The following GABRB2 variants were observed in gnomAD, a reference collection of about 807,000 sequenced individuals.
GABRB2 encodes the protein gamma-aminobutyric acid type A receptor subunit beta2.
Under a neutral mutation model 54.7 loss-of-function variants are expected in GABRB2, and 16 were observed. The ratio of observed to expected loss-of-function variants is 0.29; its 90% CI spans 0.20 to 0.44. The LOEUF (loss-of-function observed/expected upper bound fraction) is 0.44, where lower values mean the gene tolerates loss of function less well. Among genes scored for constraint, GABRB2 ranks in the 20% least tolerant of loss-of-function variants. The pLI is 1.00. For missense variants in GABRB2, 355 were observed against 644.0 expected (o/e 0.55, Z 4.86); for synonymous variants, 244 against 233.8 (o/e 1.04, Z -0.40).
chr5:161,336,473 C>T (rs563584472), intron 6 of GABRB2, among the ~76,000 whole-genome samples, 159 bp downstream of exon 6: 4 of 152,092 alleles, frequency 2.6e-5, no homozygotes, highest in Admixed American at 6.6e-5. Context: ...GTATGGGTCC[C>T]GAGTAGAACA....
At chr5:161,358,231 A>G (rs1252122185) in intron 5 of GABRB2, among the ~76,000 whole-genome samples, 1 of 152,178 alleles carries the variant, frequency 6.6e-6, no homozygotes, top group Admixed American at 6.5e-5. Context: ...AGGCTAAGGA[A>G]CAGTTTCAAT....
intron 9 of GABRB2, 74 bp downstream of exon 9, chr5:161,326,294 T>G (rs1303249357): frequency 6.3e-7 from 1 of 1,589,328 alleles, no homozygotes; most frequent in East Asian, 2.2e-5. Context: ...TCCCACACAT[T>G]TTTTAAGGGA....
intron 3 of GABRB2, among the ~76,000 whole-genome samples, chr5:161,488,490 T>G (rs1277853448): frequency 6.6e-6 from 1 of 151,752 alleles, no homozygotes; most frequent in African/African-American, 2.4e-5. Flanking sequence ...AATATGTTTT[T>G]ACAGCTAGAA....
Position 161,419,463 on chromosome 5 carries a change from T to C in GABRB2, c.459-8406A>G, listed in dbSNP as rs114224713. Among the ~76,000 whole-genome samples, 346 of 152,272 alleles carry C rather than the reference T, an allele frequency of 2.3e-3. 3 individuals are homozygous for C. Among genetic ancestry groups the C allele is most frequent in the African/African-American group, 7.7e-3 (322 of 41,572 alleles). ...CCAAGCAATCCAACTACTGGGTATC[T>C]AACCAAAGGAAAATAAACCGCTACG... On this transcript the variant is annotated intron_variant, in intron 4 of 9. Transcript: ENST00000393959.
chr5:161,435,642 A>C (rs1470424057), intron 4 of GABRB2, among the ~76,000 whole-genome samples: 1 of 152,196 alleles, frequency 6.6e-6, no homozygotes, highest in Non-Finnish European at 1.5e-5. Context: ...GGGAAAGAGA[A>C]AAATACAATT....
intron 3 of GABRB2, among the ~76,000 whole-genome samples, chr5:161,487,056 T>G (rs959984659): frequency 2.0e-5 from 3 of 151,964 alleles, no homozygotes; most frequent in Non-Finnish European, 4.4e-5. Context: ...GTCTTCATGC[T>G]GCCCAGAAGA....
At chr5:161,377,620 C>T (rs1274287109) in intron 5 of GABRB2, among the ~76,000 whole-genome samples, 3 of 152,060 alleles carry the variant, frequency 2.0e-5, no homozygotes, top group Non-Finnish European at 4.4e-5. Context: ...TTTTAGATTG[C>T]AACTTCTTTG....
intron 5 of GABRB2, among the ~76,000 whole-genome samples, chr5:161,359,468 G>C (rs960231225): frequency 5.6e-5 from 7 of 126,074 alleles, no homozygotes; most frequent in East Asian, 4.6e-4. Flanking sequence ...CACACACACA[G>C]AGATTGCTCA....
At chr5:161,470,193 C>A (rs941261381) in intron 3 of GABRB2, among the ~76,000 whole-genome samples, 6 of 151,640 alleles carry the variant, frequency 4.0e-5, no homozygotes, top group African/African-American at 1.5e-4. Flanking sequence ...ATCCTCTGAG[C>A]CTTCTAATGC....
intron 5 of GABRB2, among the ~76,000 whole-genome samples, chr5:161,410,297 G>A (rs1756468855): frequency 6.6e-6 from 1 of 151,936 alleles, no homozygotes; most frequent in South Asian, 2.1e-4. Flanking sequence ...CCACCCAATA[G>A]GGCAGCTGAC....
intron 5 of GABRB2, among the ~76,000 whole-genome samples, chr5:161,386,343 A>G (rs980275527): frequency 6.6e-6 from 1 of 152,146 alleles, no homozygotes; most frequent in Non-Finnish European, 1.5e-5. Context: ...AGAAGCTAAA[A>G]AATGAAATTA....
At chr5:161,475,668 A>G (rs190672229) in intron 3 of GABRB2, among the ~76,000 whole-genome samples, 76 of 152,124 alleles carry the variant, frequency 5.0e-4, no homozygotes, top group Middle Eastern at 3.4e-3. Context: ...ATGAAAATTA[A>G]TCAATGTAAT....
At chr5:161,368,937 G>A (rs1755050186) in intron 5 of GABRB2, among the ~76,000 whole-genome samples, 1 of 152,146 alleles carries the variant, frequency 6.6e-6, no homozygotes, top group Admixed American at 6.6e-5. Flanking sequence ...AATGTTTGAT[G>A]GTATAATGTA....
At chr5:161,454,186 T>C (rs1360539291) in intron 4 of GABRB2, among the ~76,000 whole-genome samples, 1 of 152,144 alleles carries the variant, frequency 6.6e-6, no homozygotes, top group Non-Finnish European at 1.5e-5. Context: ...CATTATTAAA[T>C]GAAAATTATT....
At chr5:161,396,450 GTT>G (rs1216926896) in intron 5 of GABRB2, among the ~76,000 whole-genome samples, 2 of 152,204 alleles carry the variant, frequency 1.3e-5, no homozygotes, top group Non-Finnish European at 1.5e-5. Flanking sequence ...GAAGAGAGAG[GTT>G]GTTAAAACGA....
At chr5:161,394,697 A>G (rs1268434041) in intron 5 of GABRB2, among the ~76,000 whole-genome samples, 1 of 152,118 alleles carries the variant, frequency 6.6e-6, no homozygotes, top group Non-Finnish European at 1.5e-5. Context: ...TCTGTTAAAG[A>G]TATTGAATTT....
intron 3 of GABRB2, among the ~76,000 whole-genome samples, chr5:161,502,420 A>G (rs1223123768): frequency 6.6e-6 from 1 of 152,168 alleles, no homozygotes; most frequent in Non-Finnish European, 1.5e-5. Flanking sequence ...ATCTAATGTT[A>G]TCTTGGATGA....
intron 4 of GABRB2, among the ~76,000 whole-genome samples, chr5:161,453,691 C>T (rs975451633): frequency 6.6e-6 from 1 of 152,064 alleles, no homozygotes; most frequent in African/African-American, 2.4e-5. Flanking sequence ...GTATTCAAGA[C>T]TTTCAATATT....
intron 3 of GABRB2, among the ~76,000 whole-genome samples, chr5:161,467,645 C>T (rs1758317530): frequency 6.6e-6 from 1 of 151,954 alleles, no homozygotes; most frequent in Non-Finnish European, 1.5e-5. Flanking sequence ...AAAAATATGA[C>T]ACAACAGGAC....
Sources: gnomAD v4.1 joint callset for allele counts (sites outside exome capture counted in the v4.1 genomes callset) on GRCh38, gnomAD v4.1.1 for gene constraint, MANE v1.5 for transcripts, NCBI Gene and HGNC (gene_info 2026-07-23, HGNC 2026-07-21) for gene names.